TNIK: variants seen among roughly 807,000 people sequenced by gnomAD.
TNIK encodes TRAF2 and NCK interacting kinase, also known as TRAF2 and NCK-interacting protein kinase.
Under a neutral mutation model 191.3 loss-of-function variants are expected in TNIK, and 49 were observed. The observed-to-expected ratio is 0.26, with a 90% confidence interval of 0.20 to 0.32. The LOEUF (loss-of-function observed/expected upper bound fraction) is 0.32. Ranked by LOEUF, TNIK falls within the 10% of genes least tolerant of loss-of-function variation. The pLI is 1.00. For synonymous variants in TNIK, 594 were observed against 600.9 expected (o/e 0.99, Z 0.17); for missense variants, 1,155 against 1,702.3 (o/e 0.68, Z 5.66).
chr3:171,068,797 A>C (rs529730427), intron 30 of TNIK, 51 bp downstream of exon 30: 7 of 1,534,826 alleles, frequency 4.6e-6, no homozygotes, highest in Non-Finnish European at 6.1e-6. Flanking sequence ...CTCTTTCTAC[A>C]TGCAGGCTGT....
intron 19 of TNIK, 125 bp downstream of exon 19, chr3:171,110,589 G>T (rs1244889112): frequency 1.6e-6 from 2 of 1,270,506 alleles, no homozygotes; most frequent in Non-Finnish European, 2.1e-6. Context: ...GCAGTTGACA[G>T]GCTCTTCAGG....
At chr3:171,349,713 T>C (rs1011387606) in intron 2 of TNIK, among the ~76,000 whole-genome samples, 1 of 152,220 alleles carries the variant, frequency 6.6e-6, no homozygotes, top group African/African-American at 2.4e-5. Flanking sequence ...CTGTAATCCA[T>C]TCCATTTCAG....
In TNIK at chr3:171,400,114, T is replaced by C. The variant is rs534814647; in HGVS notation, c.58-30429A>G. Among the ~76,000 whole-genome samples, 3 of 152,252 alleles carry C rather than the reference T, an allele frequency of 2.0e-5. No homozygotes were observed. The East Asian group carries it at 5.8e-4, about 29-fold the overall frequency. On this transcript the variant is annotated intron_variant, in intron 1 of 32. Coordinates refer to ENST00000436636, the MANE Select transcript of TNIK (RefSeq NM_015028.4). ...AGAGTGGACCCGGGACCTGATGGGT[T>C]TTCTTAAATTGGTAGAAACCATACT...
chr3:171,367,035 T>C (rs1459145461), intron 2 of TNIK, among the ~76,000 whole-genome samples: 23 of 152,206 alleles, frequency 1.5e-4, no homozygotes, highest in Admixed American at 1.4e-3. Context: ...CCTTTATAAA[T>C]TGCCCAGTCT....
At chr3:171,194,497 G>C in intron 5 of TNIK, 28 bp downstream of exon 5, 1 of 1,588,900 alleles carries the variant, frequency 6.3e-7, no homozygotes, top group Non-Finnish European at 8.6e-7. Flanking sequence ...GACTTTGGGA[G>C]GTGGGCCAGT....
intron 3 of TNIK, among the ~76,000 whole-genome samples, chr3:171,224,192 G>A (rs2108972875): frequency 6.6e-6 from 1 of 152,242 alleles, no homozygotes; most frequent in East Asian, 1.9e-4. Context: ...GATCATGTTA[G>A]GTGACTTCTC....
intron 2 of TNIK, among the ~76,000 whole-genome samples, chr3:171,276,204 A>G (rs115410134): frequency 1.1e-3 from 171 of 152,368 alleles, no homozygotes; most frequent in African/African-American, 3.9e-3. Flanking sequence ...TCAAAGACTA[A>G]GAAAAGTTAG....
chr3:171,270,245 A>T (rs577953947), intron 2 of TNIK, among the ~76,000 whole-genome samples: 1 of 152,338 alleles, frequency 6.6e-6, no homozygotes, highest in African/African-American at 2.4e-5. Flanking sequence ...CTGGGTCATG[A>T]GAATACCCCC....
chr3:171,301,294 G>A (rs917416597), intron 2 of TNIK, among the ~76,000 whole-genome samples: 1 of 150,116 alleles, frequency 6.7e-6, no homozygotes, highest in South Asian at 2.1e-4. Flanking sequence ...GTAGAACACT[G>A]TATCAAACAA....
At position 171,445,436 on chromosome 3, in the gene TNIK, A is replaced by AT. The variant is rs1178263946; in HGVS notation, c.57+14570_57+14571insA. Among the ~76,000 whole-genome samples, 16 of 151,522 alleles carry AT rather than the reference A, an allele frequency of 1.1e-4. No individual in the cohort carries two copies. In the East Asian group the frequency reaches 1.9e-3, roughly 18 times the overall value. On this transcript the variant is annotated intron_variant, in intron 1 of 32. Coordinates refer to ENST00000436636, the MANE Select transcript of TNIK (RefSeq NM_015028.4). ...CCTGTCTCCAAAAAAAAAAAAAAAA[A>AT]GTTGAGAGAGGCAGGGCCTAACAGA... is the stretch of plus-strand genomic sequence containing the variant.
At chr3:171,259,531 C>A (rs1747330891) in intron 2 of TNIK, among the ~76,000 whole-genome samples, 1 of 152,272 alleles carries the variant, frequency 6.6e-6, no homozygotes, top group African/African-American at 2.4e-5. Context: ...CAGTGCCTTA[C>A]ATTTTGCTTC....
At chr3:171,395,867 T>C (rs1359607273) in intron 1 of TNIK, among the ~76,000 whole-genome samples, 7 of 152,208 alleles carry the variant, frequency 4.6e-5, no homozygotes, top group African/African-American at 7.2e-5. Context: ...CCTCCTCTCA[T>C]AGCCCAGGGT....
intron 3 of TNIK, among the ~76,000 whole-genome samples, chr3:171,226,176 T>C (rs1742939627): frequency 6.6e-6 from 1 of 152,124 alleles, no homozygotes; most frequent in Non-Finnish European, 1.5e-5. Context: ...AGTAGACACA[T>C]TAGTAGAATA....
At chr3:171,324,695 G>A (rs996209034) in intron 2 of TNIK, among the ~76,000 whole-genome samples, 10 of 152,230 alleles carry the variant, frequency 6.6e-5, no homozygotes, top group African/African-American at 2.2e-4. Flanking sequence ...TTTCGAAAAT[G>A]TCAGTTTTGT....
At chr3:171,211,578 A>C (rs1368288908) in intron 3 of TNIK, among the ~76,000 whole-genome samples, 2 of 152,208 alleles carry the variant, frequency 1.3e-5, no homozygotes, top group Non-Finnish European at 2.9e-5. Flanking sequence ...ACATCCATCA[A>C]GTAGCTATTA....
chr3:171,158,791 CTGAGGTAAGCTT>C (rs2108722617), intron 11 of TNIK, among the ~76,000 whole-genome samples: 1 of 152,238 alleles, frequency 6.6e-6, no homozygotes, highest in Non-Finnish European at 1.5e-5. Flanking sequence ...TGGCTGGGAG[CTGAGGTAAGCTT>C]TGAGGCCTTA....
intron 27 of TNIK, among the ~76,000 whole-genome samples, 192 bp from the exon 28 acceptor site, chr3:171,079,844 A>G (rs1207229206): frequency 6.6e-6 from 1 of 152,184 alleles, no homozygotes; most frequent in Admixed American, 6.5e-5. Flanking sequence ...AAATAGCTCT[A>G]CGTGTTTTAG....
At chr3:171,109,776 TA>T (rs1725559966) in intron 19 of TNIK, among the ~76,000 whole-genome samples, 3 of 152,362 alleles carry the variant, frequency 2.0e-5, no homozygotes, top group Admixed American at 6.5e-5. Context: ...TATTATTATG[TA>T]TCAGCACCTG....
chr3:171,374,915 C>T (rs1223837790), intron 1 of TNIK, among the ~76,000 whole-genome samples: 2 of 152,136 alleles, frequency 1.3e-5, no homozygotes, highest in Non-Finnish European at 1.5e-5. Context: ...AATGGAGGCA[C>T]GGAGGGATTA....
Sources: allele counts gnomAD v4.1 joint callset (sites outside exome capture counted in the v4.1 genomes callset), GRCh38; gene constraint gnomAD v4.1.1; transcripts MANE v1.5; gene names NCBI Gene and HGNC (gene_info 2026-07-23, HGNC 2026-07-21).